CNTN5: variants seen among roughly 807,000 people sequenced by gnomAD.
CNTN5 encodes the protein contactin-5.
In CNTN5, 77 loss-of-function variants were observed where a neutral mutation model predicts 129.1. The ratio of observed to expected loss-of-function variants is 0.60; its 90% CI spans 0.50 to 0.72. The LOEUF is 0.72. CNTN5 is among the 30% of genes least tolerant of loss of function. The probability of loss-of-function intolerance (pLI) is 0.00; values close to 1 mark genes in which losing one functional copy is unlikely to be tolerated. For synonymous variants in CNTN5, 509 were observed against 465.6 expected (o/e 1.09, Z -1.20); for missense variants, 1,478 against 1,328.8 (o/e 1.11, Z -1.75).
chr11:99,326,315 C>T (rs968456370), intron 2 of CNTN5, among the ~76,000 whole-genome samples: 3 of 152,128 alleles, frequency 2.0e-5, no homozygotes, highest in Non-Finnish European at 4.4e-5. Flanking sequence ...TCTTTATTTT[C>T]TGCTTATTTA....
intron 21 of CNTN5, among the ~76,000 whole-genome samples, chr11:100,338,241 T>C (rs531570238): frequency 4.3e-4 from 65 of 152,314 alleles, no homozygotes; most frequent in Non-Finnish European, 7.2e-4. Flanking sequence ...TTAAGGTTCT[T>C]AATATGTCGT....
chr11:100,197,314 A>G (rs943013951), intron 15 of CNTN5, among the ~76,000 whole-genome samples: 3 of 151,992 alleles, frequency 2.0e-5, no homozygotes, highest in African/African-American at 7.2e-5. Flanking sequence ...TTTGATTTGT[A>G]TTTTGAGTAC....
At chr11:100,179,963 G>T (rs1372186698) in intron 13 of CNTN5, among the ~76,000 whole-genome samples, 1 of 151,258 alleles carries the variant, frequency 6.6e-6, no homozygotes, top group Non-Finnish European at 1.5e-5. Context: ...CCCTACTGGA[G>T]AATTCTACCA....
chr11:99,538,822 T>A (rs1947994292), intron 2 of CNTN5, among the ~76,000 whole-genome samples: 1 of 152,008 alleles, frequency 6.6e-6, no homozygotes, highest in Non-Finnish European at 1.5e-5. Context: ...GTACTAAAAA[T>A]ACACAGCTTC....
chr11:99,583,560 A>G lies in CNTN5; in HGVS notation c.55+27291A>G, dbSNP rs549623471. 2.0e-5 allele frequency among the ~76,000 whole-genome samples: 3 copies of G among 152,284 alleles called. No homozygotes were observed. The South Asian group carries it at 6.2e-4, about 32-fold the overall frequency. ...TCCCCCAGCCTCGCTGCCTCCTTGC[A>G]GTTAGATCTCAGACTGCTGTGCTAG... is the stretch of plus-strand genomic sequence containing the variant. On this transcript the variant is annotated intron_variant, in intron 3 of 24. Transcript: ENST00000524871.
intron 3 of CNTN5, among the ~76,000 whole-genome samples, chr11:99,570,037 A>G (rs756806133): frequency 2.1e-4 from 32 of 151,946 alleles, no homozygotes; most frequent in Non-Finnish European, 5.9e-5. Context: ...TTGAATAGTC[A>G]ATGTCTTCAT....
At chr11:100,274,010 G>A (rs1338988378) in intron 18 of CNTN5, among the ~76,000 whole-genome samples, 1 of 152,124 alleles carries the variant, frequency 6.6e-6, no homozygotes. Context: ...CATGGTACTG[G>A]TACTAAAACA....
At chr11:100,094,768 G>GGAAA (rs1565234803) in intron 13 of CNTN5, among the ~76,000 whole-genome samples, 2 of 80,824 alleles carry the variant, frequency 2.5e-5, no homozygotes, top group African/African-American at 1.5e-4. Context: ...AGGGAGGAAA[G>GGAAA]GAAGGAAGGA....
At chr11:99,848,264 A>AT (rs1947765638) in intron 6 of CNTN5, among the ~76,000 whole-genome samples, 2 of 151,974 alleles carry the variant, frequency 1.3e-5, no homozygotes. Flanking sequence ...TTACATTGAG[A>AT]TTTTCTGAAG....
At chr11:99,922,174 G>A (rs72992846) in intron 7 of CNTN5, among the ~76,000 whole-genome samples, 11,005 of 152,202 alleles carry the variant, frequency 0.072, 454 homozygotes, top group Non-Finnish European at 0.094. Flanking sequence ...TGCGTCTTAC[G>A]TGGTGGCAGG....
chr11:100,127,095 ATTTTTTTT>A lies in CNTN5; in HGVS notation c.1580+52821_1580+52828del, dbSNP rs5794039. ...AGGTGCACACCACCATGCGCAGCTA[ATTTTTTTT>A]TTTTTTTTTTTTTTTTTTTAGAGAT... On this transcript the variant is annotated intron_variant, in intron 13 of 24. Coordinates refer to ENST00000524871, the MANE Select transcript of CNTN5 (RefSeq NM_014361.4). Among the ~76,000 whole-genome samples, 185 of 85,624 alleles carry A rather than the reference ATTTTTTTT, an allele frequency of 2.2e-3. 1 individual carries two copies. Among genetic ancestry groups the A allele is most frequent in the African/African-American group, 8.3e-3 (183 of 22,006 alleles). The allele number at this position is 85,624 out of a possible 152,430, so 56.2% of individuals were successfully genotyped here.
chr11:99,667,024 ATTAT>A (rs1952820639), intron 3 of CNTN5, among the ~76,000 whole-genome samples: 1 of 151,960 alleles, frequency 6.6e-6, no homozygotes, highest in Non-Finnish European at 1.5e-5. Context: ...AATTAGAATA[ATTAT>A]TAGTATCATA....
At chr11:99,947,684 A>G (rs753783195) in intron 7 of CNTN5, among the ~76,000 whole-genome samples, 1 of 152,168 alleles carries the variant, frequency 6.6e-6, no homozygotes, top group African/African-American at 2.4e-5. Context: ...CACATTTAAC[A>G]TAGAAAATTT....
At chr11:99,481,514 G>A (rs2656152) in intron 2 of CNTN5, among the ~76,000 whole-genome samples, 33,568 of 151,992 alleles carry the variant, frequency 0.22, 3,969 homozygotes, top group Middle Eastern at 0.33. Context: ...GAATATATTT[G>A]CTGATTATGT....
chr11:100,069,872 TAATAA>T (rs1028308420), intron 10 of CNTN5, among the ~76,000 whole-genome samples: 16 of 152,258 alleles, frequency 1.1e-4, no homozygotes, highest in Non-Finnish European at 1.3e-4. Context: ...ATCTCATTCT[TAATAA>T]AATAAATTTT....
chr11:99,384,548 T>C lies in CNTN5; in HGVS notation c.-71+59064T>C, dbSNP rs535276590. Among the ~76,000 whole-genome samples the C allele has an allele frequency of 5.3e-5, 8 of 152,260 alleles. No individual in the cohort carries two copies. The South Asian group carries it at 1.0e-3, about 20-fold the overall frequency. On this transcript the variant is annotated intron_variant, in intron 2 of 24. Coordinates refer to ENST00000524871, the MANE Select transcript of CNTN5 (RefSeq NM_014361.4). ...AAATTTTGAGCAATGATAAAACTGG[T>C]CCGTGGTGTTTGTTGACAAGAGAAA... is the stretch of plus-strand genomic sequence containing the variant.
intron 1 of CNTN5, among the ~76,000 whole-genome samples, chr11:99,154,613 T>C (rs577114596): frequency 5.8e-4 from 88 of 152,186 alleles, no homozygotes; most frequent in Non-Finnish European, 8.2e-4. Flanking sequence ...GGGGAGGCTG[T>C]GGTAGAAGGA....
At chr11:99,408,470 GAA>G (rs746624713) in intron 2 of CNTN5, among the ~76,000 whole-genome samples, 1 of 129,870 alleles carries the variant, frequency 7.7e-6, no homozygotes, top group Non-Finnish European at 1.7e-5. Flanking sequence ...AAGAAAGAAA[GAA>G]AGAAAGAAAG....
At chr11:99,354,529 A>C (rs1230680697) in intron 2 of CNTN5, among the ~76,000 whole-genome samples, 1 of 152,206 alleles carries the variant, frequency 6.6e-6, no homozygotes, top group Non-Finnish European at 1.5e-5. Context: ...TTTTTCTATG[A>C]TGTTGTAACT....
Sources: gnomAD v4.1 joint callset for allele counts (sites outside exome capture counted in the v4.1 genomes callset) on GRCh38, gnomAD v4.1.1 for gene constraint, MANE v1.5 for transcripts, NCBI Gene and HGNC (gene_info 2026-07-23, HGNC 2026-07-21) for gene names.